Variants in SH3BP5 observed in about 807,000 individuals in gnomAD.
SH3BP5 encodes the protein SH3 domain-binding protein 5.
Under a neutral mutation model 43.3 loss-of-function variants are expected in SH3BP5, and 22 were observed. The ratio of observed to expected loss-of-function variants is 0.51; its 90% confidence interval spans 0.36 to 0.73. The LOEUF (loss-of-function observed/expected upper bound fraction) is 0.73. Among genes scored for constraint, SH3BP5 ranks in the 30% least tolerant of loss-of-function variants. The pLI is 0.00. For missense variants in SH3BP5, 529 were observed against 586.9 expected, an observed-to-expected ratio of 0.90 and a Z score of 1.02; for synonymous variants, 255 against 225.8, an observed-to-expected ratio of 1.13 and a Z score of -1.16.
chr3:15,279,997 G>A (rs1697075905), intron 3 of SH3BP5, among the ~76,000 whole-genome samples: 1 of 152,188 alleles, frequency 6.6e-6, no homozygotes, highest in South Asian at 2.1e-4. Context: ...AAGCTGGCAG[G>A]AGGATGGTCT....
chr3:15,294,034 C>T (rs887048825), intron 3 of SH3BP5, among the ~76,000 whole-genome samples: 3 of 145,432 alleles, frequency 2.1e-5, no homozygotes, highest in East Asian at 2.0e-4. Context: ...GCCGAGATTA[C>T]GCCACTGCAC....
At chr3:15,308,102 C>A (rs151031320) in intron 2 of SH3BP5, among the ~76,000 whole-genome samples, 3 of 152,200 alleles carry the variant, frequency 2.0e-5, no homozygotes, top group Non-Finnish European at 4.4e-5. Flanking sequence ...CCTCTCCAGT[C>A]CCTATCACTC....
At chr3:15,295,432 C>T (rs528734144) in intron 3 of SH3BP5, among the ~76,000 whole-genome samples, 5 of 152,260 alleles carry the variant, frequency 3.3e-5, no homozygotes, top group South Asian at 4.2e-4. Flanking sequence ...GTCCTTTCCT[C>T]GGTCCTTTTA....
At position 15,332,253 on chromosome 3, in the gene SH3BP5, C is replaced by T. The variant is rs1698631128; in HGVS notation, c.138+18G>A. 2 of 1,550,868 alleles carry T rather than the reference C, an allele frequency of 1.3e-6. No individual in the cohort carries two copies. The highest frequency in any genetic ancestry group is 1.4e-5 in the African/African-American group (1 of 73,604). On this transcript the variant is annotated intron_variant, in intron 1 of 8. Coordinates refer to ENST00000383791, the MANE Select transcript of SH3BP5 (RefSeq NM_004844.5). ...GCCCTCGCGAAGCCCGGATGCGGGG[C>T]GACCCCGCGCGCCCTACCTGGATCC...
At chr3:15,319,078 G>A (rs1698255736) in intron 2 of SH3BP5, among the ~76,000 whole-genome samples, 1 of 152,182 alleles carries the variant, frequency 6.6e-6, no homozygotes, top group Admixed American at 6.5e-5. Context: ...CTACCACCCT[G>A]AATTACAAAG....
At chr3:15,295,699 T>A (rs1296500729) in intron 3 of SH3BP5, among the ~76,000 whole-genome samples, 1 of 152,164 alleles carries the variant, frequency 6.6e-6, no homozygotes, top group Admixed American at 6.5e-5. Context: ...AATCTGAACA[T>A]GAGTTCACTC....
chr3:15,307,775 A>C (rs970368908), intron 2 of SH3BP5, among the ~76,000 whole-genome samples: 1 of 152,230 alleles, frequency 6.6e-6, no homozygotes, highest in Non-Finnish European at 1.5e-5. Flanking sequence ...CCGCATCCTC[A>C]CGGTCACCTC....
At chr3:15,265,879 T>C (rs541189860) in intron 4 of SH3BP5, among the ~76,000 whole-genome samples, 1 of 151,422 alleles carries the variant, frequency 6.6e-6, no homozygotes, top group Admixed American at 6.6e-5. Context: ...CCACAGAAAA[T>C]AGCAAACACC....
chr3:15,340,081 T>A (rs1036081695), intron 1 of SH3BP5, among the ~76,000 whole-genome samples: 1 of 151,978 alleles, frequency 6.6e-6, no homozygotes, highest in Non-Finnish European at 1.5e-5. Context: ...GAACAAATCA[T>A]CTCAGCACAG....
chr3:15,326,831 G>A (rs1179348736), intron 2 of SH3BP5, among the ~76,000 whole-genome samples: 1 of 152,198 alleles, frequency 6.6e-6, no homozygotes, highest in Non-Finnish European at 1.5e-5. Flanking sequence ...TCCTGAGCAC[G>A]AGCAGGCTGT....
chr3:15,316,505 GA>G (rs1698189585), intron 2 of SH3BP5, among the ~76,000 whole-genome samples: 1 of 152,154 alleles, frequency 6.6e-6, no homozygotes. Flanking sequence ...TTACAGGTGT[GA>G]ACCACATACC....
At chr3:15,267,920 G>GTCCAC (rs1258339737) in intron 4 of SH3BP5, among the ~76,000 whole-genome samples, 10 of 152,334 alleles carry the variant, frequency 6.6e-5, no homozygotes, top group African/African-American at 1.9e-4. Context: ...CTCCAGCTGG[G>GTCCAC]GTGGAAGAAG....
At chr3:15,291,917 A>G (rs1468318285) in intron 3 of SH3BP5, among the ~76,000 whole-genome samples, 1 of 152,218 alleles carries the variant, frequency 6.6e-6, no homozygotes, top group Non-Finnish European at 1.5e-5. Flanking sequence ...GGGAAGAAGT[A>G]GAAAAGAAAG....
chr3:15,330,403 G>A (rs995492060), intron 2 of SH3BP5, 101 bp downstream of exon 2: 1 of 922,238 alleles, frequency 1.1e-6, no homozygotes, highest in Admixed American at 1.9e-5. Flanking sequence ...CAAGGAGGGG[G>A]GTCCAGCAAT....
At chr3:15,318,963 A>G (rs1226050378) in intron 2 of SH3BP5, among the ~76,000 whole-genome samples, 1 of 152,196 alleles carries the variant, frequency 6.6e-6, no homozygotes, top group Admixed American at 6.5e-5. Context: ...CTATCAAATA[A>G]ATGCAATACC....
chr3:15,301,402 C>T (rs77326830), intron 3 of SH3BP5, among the ~76,000 whole-genome samples: 2 of 152,168 alleles, frequency 1.3e-5, no homozygotes, highest in African/African-American at 4.8e-5. Flanking sequence ...TATTTGAGCA[C>T]CTTCTGTATG....
intron 2 of SH3BP5, among the ~76,000 whole-genome samples, chr3:15,318,864 G>A (rs190459342): frequency 3.0e-4 from 46 of 152,354 alleles, no homozygotes; most frequent in Non-Finnish European, 5.3e-4. Context: ...GAGCCACTGC[G>A]CCCAGCCTCC....
chr3:15,301,744 G>T (rs1424699624), intron 3 of SH3BP5, among the ~76,000 whole-genome samples: 2 of 152,080 alleles, frequency 1.3e-5, no homozygotes, highest in African/African-American at 4.8e-5. Flanking sequence ...AAGACCTGAG[G>T]CAGGAGCACG....
At chr3:15,288,482 G>C (rs1265649759) in intron 3 of SH3BP5, among the ~76,000 whole-genome samples, 1 of 152,242 alleles carries the variant, frequency 6.6e-6, no homozygotes, top group South Asian at 2.1e-4. Flanking sequence ...TTCAGGCCGG[G>C]GGCGGTGGCT....
Sources: gnomAD v4.1 joint callset for allele counts (sites outside exome capture counted in the v4.1 genomes callset) on GRCh38, gnomAD v4.1.1 for gene constraint, MANE v1.5 for transcripts, NCBI Gene and HGNC (gene_info 2026-07-23, HGNC 2026-07-21) for gene names.